Variants in KCNK2 observed in about 807,000 individuals in gnomAD.
KCNK2 encodes potassium channel subfamily K member 2.
In KCNK2, 21 loss-of-function variants were observed where a neutral mutation model predicts 40.5. The observed-to-expected ratio is 0.52, with a 90% confidence interval of 0.37 to 0.75. The LOEUF (loss-of-function observed/expected upper bound fraction) is 0.75, where lower values mean the gene tolerates loss of function less well. Among genes scored for constraint, KCNK2 ranks in the 30% least tolerant of loss-of-function variants. The probability of loss-of-function intolerance (pLI) is 0.00; values close to 1 mark genes in which losing one functional copy is unlikely to be tolerated. For synonymous variants in KCNK2, 191 were observed against 202.2 expected (o/e 0.94, Z 0.47); for missense variants, 399 against 531.6 (o/e 0.75, Z 2.45).
At chr1:215,229,111 T>A (rs910392615) in intron 6 of KCNK2, among the ~76,000 whole-genome samples, 6 of 152,166 alleles carry the variant, frequency 3.9e-5, no homozygotes, top group African/African-American at 1.4e-4. Flanking sequence ...GTATTTTATG[T>A]GTGGCCTAAG....
intron 5 of KCNK2, among the ~76,000 whole-genome samples, chr1:215,174,257 G>T (rs1165480523): frequency 6.6e-6 from 1 of 152,078 alleles, no homozygotes; most frequent in Non-Finnish European, 1.5e-5. Flanking sequence ...TTTTTGTCAG[G>T]TCTGTCAAAG....
chr1:215,177,471 G>A (rs929162348), intron 5 of KCNK2, among the ~76,000 whole-genome samples: 10 of 151,688 alleles, frequency 6.6e-5, no homozygotes, highest in Non-Finnish European at 2.9e-5. Flanking sequence ...TTTCTTCTAG[G>A]ATTCTTATAG....
intron 3 of KCNK2, among the ~76,000 whole-genome samples, chr1:215,147,613 C>T (rs1435585300): frequency 3.3e-5 from 5 of 152,052 alleles, no homozygotes; most frequent in African/African-American, 9.7e-5. Context: ...GGGCGGATCA[C>T]CTGAGGTCAG....
intron 3 of KCNK2, among the ~76,000 whole-genome samples, chr1:215,157,247 G>T (rs905184624): frequency 6.6e-6 from 1 of 152,148 alleles, no homozygotes; most frequent in Non-Finnish European, 1.5e-5. Context: ...GGCTGAATCT[G>T]TCTCAGAGGA....
intron 1 of KCNK2, among the ~76,000 whole-genome samples, chr1:215,022,106 C>CCTATCTATCTGTCTATCTATCTAT (rs1553255809): frequency 1.8e-5 from 2 of 109,186 alleles, no homozygotes; most frequent in Admixed American, 1.7e-4. Flanking sequence ...TAAATCCCCT[C>CCTATCTATCTGTCTATCTATCTAT]CTATCTATCT....
intron 5 of KCNK2, among the ~76,000 whole-genome samples, chr1:215,173,815 T>C (rs975299727): frequency 2.0e-5 from 3 of 152,092 alleles, no homozygotes; most frequent in African/African-American, 7.2e-5. Flanking sequence ...GTTGATGGGG[T>C]TGTTTGTTTT....
intron 2 of KCNK2, among the ~76,000 whole-genome samples, chr1:215,116,881 T>C (rs1250065275): frequency 6.6e-6 from 1 of 152,012 alleles, no homozygotes; most frequent in Non-Finnish European, 1.5e-5. Context: ...CTTGAAAATA[T>C]GCTTATCAGT....
At chr1:215,079,536 C>A (rs945806611), upstream of KCNK2, among the ~76,000 whole-genome samples, 6 of 152,186 alleles carry the variant, frequency 3.9e-5, no homozygotes, top group Middle Eastern at 6.8e-3. Context: ...TTTAAGCAAC[C>A]AGATGTCATG....
chr1:215,197,525 C>T (rs887714547), intron 6 of KCNK2, among the ~76,000 whole-genome samples: 2 of 152,128 alleles, frequency 1.3e-5, no homozygotes, highest in South Asian at 2.1e-4. Context: ...CCAGTCCTAT[C>T]GGATTAGGGC....
chr1:215,006,329 A>G (rs1453186781), intron 1 of KCNK2, among the ~76,000 whole-genome samples: 1 of 152,158 alleles, frequency 6.6e-6, no homozygotes, highest in African/African-American at 2.4e-5. Flanking sequence ...CCTGTCATCA[A>G]TTTGTTCATA....
intron 2 of KCNK2, 124 bp downstream of exon 2, chr1:215,086,802 C>A: frequency 1.2e-6 from 1 of 804,666 alleles, no homozygotes; most frequent in Non-Finnish European, 2.0e-6. Context: ...ACCTCATTTG[C>A]CTTAACATAT....
upstream of KCNK2, among the ~76,000 whole-genome samples, chr1:215,080,138 A>T (rs1659094928): frequency 6.6e-6 from 1 of 152,188 alleles, no homozygotes; most frequent in Non-Finnish European, 1.5e-5. Context: ...ATGAGACCTA[A>T]GTTCCATGAG....
At chr1:215,154,549 T>C (rs1183309365) in intron 3 of KCNK2, among the ~76,000 whole-genome samples, 1 of 152,198 alleles carries the variant, frequency 6.6e-6, no homozygotes, top group Non-Finnish European at 1.5e-5. Context: ...ACTCTGATGA[T>C]AGTTTCTTTT....
At chr1:215,038,861 C>A (rs1310055920) in intron 1 of KCNK2, among the ~76,000 whole-genome samples, 1 of 151,986 alleles carries the variant, frequency 6.6e-6, no homozygotes, top group Non-Finnish European at 1.5e-5. Flanking sequence ...TCCTCTCTCT[C>A]TCTTCTAAGG....
At chr1:215,088,293 G>T (rs1659542614) in intron 2 of KCNK2, among the ~76,000 whole-genome samples, 3 of 152,118 alleles carry the variant, frequency 2.0e-5, no homozygotes, top group Non-Finnish European at 4.4e-5. Context: ...GATGCGTTTT[G>T]AACTGCAGTT....
intron 6 of KCNK2, among the ~76,000 whole-genome samples, chr1:215,196,908 G>T (rs570720448): frequency 6.6e-6 from 1 of 152,104 alleles, no homozygotes; most frequent in Non-Finnish European, 1.5e-5. Flanking sequence ...ACACAAGCAT[G>T]TATTTCTTAA....
At chr1:215,068,163 G>A (rs148773647) in intron 1 of KCNK2, among the ~76,000 whole-genome samples, 19 of 151,462 alleles carry the variant, frequency 1.3e-4, no homozygotes, top group African/African-American at 4.6e-4. Flanking sequence ...AGTGTTTAGT[G>A]TAGTACTATA....
chr1:215,110,809 T>C (rs1202862655), intron 2 of KCNK2, among the ~76,000 whole-genome samples: 1 of 152,166 alleles, frequency 6.6e-6, no homozygotes, highest in African/African-American at 2.4e-5. Flanking sequence ...TACACATTTG[T>C]TACAATTCAT....
rs557853435 is a variant in KCNK2, at chr1:215,071,337, G to T, written c.35-15031G>T. Reference sequence around the variant, plus strand: ...CATAGAGGGGTTTGCAGGGATGATAGATGAGAGTGTCTATATTTTGAGTGA... The same window carrying T: ...CATAGAGGGGTTTGCAGGGATGATATATGAGAGTGTCTATATTTTGAGTGA... On this transcript the variant is annotated intron_variant, in intron 1 of 6. Transcript: ENST00000391895. Among the ~76,000 whole-genome samples, 56 of 152,298 alleles carry T rather than the reference G, an allele frequency of 3.7e-4. 1 individual carries two copies. The highest frequency in any genetic ancestry group is 1.2e-3 in the African/African-American group (49 of 41,556).
Sources: gnomAD v4.1 joint callset for allele counts (sites outside exome capture counted in the v4.1 genomes callset) on GRCh38, gnomAD v4.1.1 for gene constraint, MANE v1.5 for transcripts, NCBI Gene and HGNC (gene_info 2026-07-23, HGNC 2026-07-21) for gene names.